PELI2: variants seen among roughly 807,000 people sequenced by gnomAD.
PELI2 encodes E3 ubiquitin-protein ligase pellino homolog 2.
In PELI2, 23 loss-of-function variants were observed where a neutral mutation model predicts 42.3. That is an observed-to-expected ratio of 0.54 (90% CI 0.39 to 0.77). The LOEUF is 0.77. PELI2 is among the 30% of genes least tolerant of loss of function. The pLI is 0.00. For synonymous variants in PELI2, 245 were observed against 212.2 expected, an observed-to-expected ratio of 1.15 and a Z score of -1.34; for missense variants, 463 against 553.2, an observed-to-expected ratio of 0.84 and a Z score of 1.64.
intron 1 of PELI2, among the ~76,000 whole-genome samples, chr14:56,129,756 T>C (rs1181869156): frequency 6.6e-6 from 1 of 152,234 alleles, no homozygotes; most frequent in Non-Finnish European, 1.5e-5. Flanking sequence ...TGGCTGTCTC[T>C]TGCTGAGCTA....
At chr14:56,230,920 T>G (rs936692644) in intron 2 of PELI2, among the ~76,000 whole-genome samples, 4 of 151,722 alleles carry the variant, frequency 2.6e-5, no homozygotes, top group Non-Finnish European at 5.9e-5. Flanking sequence ...ACCAAGCAAA[T>G]AGAAAACAAA....
intron 1 of PELI2, among the ~76,000 whole-genome samples, chr14:56,156,276 G>GA (rs1884562343): frequency 6.6e-6 from 1 of 152,024 alleles, no homozygotes; most frequent in South Asian, 2.1e-4. Flanking sequence ...TGTGTCCCTA[G>GA]AAAAAATGCT....
At chr14:56,222,030 A>G (rs1887150298) in intron 2 of PELI2, among the ~76,000 whole-genome samples, 1 of 151,242 alleles carries the variant, frequency 6.6e-6, no homozygotes, top group African/African-American at 2.4e-5. Flanking sequence ...GATTTCCTCT[A>G]TGCACAATGG....
In PELI2 at chr14:56,299,970, T is replaced by C. The variant is rs1424216865; in HGVS notation, c.*2804T>C. 6.6e-6 allele frequency: 1 copy of C among 152,632 alleles called. No homozygotes were observed. The highest frequency in any genetic ancestry group is 6.5e-5 in the Admixed American group (1 of 15,276). 9.5% of individuals were successfully genotyped at this position (152,632 alleles called of 1,614,324 possible). ...TTTCTAGTCCGGAATTTTTTATTAA[T>C]AATCGGTGCTGCCGGGTCATGCATG... is the stretch of plus-strand genomic sequence containing the variant. On this transcript the variant is annotated 3_prime_UTR_variant, in exon 6 of 6. Transcript: ENST00000267460.
chr14:56,162,744 C>T (rs909486206), intron 1 of PELI2, among the ~76,000 whole-genome samples: 26 of 152,128 alleles, frequency 1.7e-4, no homozygotes, highest in Non-Finnish European at 4.4e-5. Flanking sequence ...ACAAGGGTTC[C>T]CTTTTCTCCA....
At chr14:56,258,318 T>C (rs1306414131) in intron 2 of PELI2, among the ~76,000 whole-genome samples, 2 of 149,406 alleles carry the variant, frequency 1.3e-5, no homozygotes, top group East Asian at 3.9e-4. Flanking sequence ...AAAAAATTAA[T>C]GGCCAGCATC....
intron 2 of PELI2, among the ~76,000 whole-genome samples, chr14:56,233,724 G>T (rs1410471028): frequency 6.6e-6 from 1 of 152,146 alleles, no homozygotes; most frequent in Non-Finnish European, 1.5e-5. Flanking sequence ...AATACCGAAA[G>T]CAATGGCAAC....
At chr14:56,178,611 C>T in intron 2 of PELI2, 147 bp downstream of exon 2, 2 of 908,078 alleles carry the variant, frequency 2.2e-6, no homozygotes, top group Admixed American at 4.9e-5. Context: ...TTGTGAGGGG[C>T]TGTGCTGTGC....
intron 1 of PELI2, among the ~76,000 whole-genome samples, chr14:56,154,736 T>G (rs1161224292): frequency 6.7e-6 from 1 of 149,100 alleles, no homozygotes; most frequent in Non-Finnish European, 1.5e-5. Flanking sequence ...AAAACTTGAC[T>G]TACATTTCAA....
chr14:56,256,472 C>G (rs2139825547), intron 2 of PELI2, among the ~76,000 whole-genome samples: 1 of 151,892 alleles, frequency 6.6e-6, no homozygotes, highest in South Asian at 2.1e-4. Flanking sequence ...AAAAAAATAC[C>G]ATTAACTTCA....
chr14:56,138,134 C>T (rs1296297723), intron 1 of PELI2, among the ~76,000 whole-genome samples: 1 of 152,224 alleles, frequency 6.6e-6, no homozygotes, highest in Non-Finnish European at 1.5e-5. Flanking sequence ...CTGATGCCTG[C>T]GTCTGTTAGG....
chr14:56,252,890 C>A (rs528011863), intron 2 of PELI2, among the ~76,000 whole-genome samples: 1 of 152,164 alleles, frequency 6.6e-6, no homozygotes, highest in Non-Finnish European at 1.5e-5. Context: ...CAAAACCTGG[C>A]AGAGACACAA....
chr14:56,188,896 A>G (rs1308375946), intron 2 of PELI2, among the ~76,000 whole-genome samples: 3 of 152,138 alleles, frequency 2.0e-5, no homozygotes, highest in Non-Finnish European at 4.4e-5. Flanking sequence ...GCAGTGGCTC[A>G]TGTCTGTAAT....
intron 3 of PELI2, among the ~76,000 whole-genome samples, chr14:56,286,412 C>T (rs1889646796): frequency 6.6e-6 from 1 of 152,184 alleles, no homozygotes; most frequent in Admixed American, 6.5e-5. Flanking sequence ...TTGATACCAT[C>T]TTACCTGTCC....
intron 2 of PELI2, among the ~76,000 whole-genome samples, chr14:56,223,533 C>G (rs1887226531): frequency 6.6e-6 from 1 of 152,114 alleles, no homozygotes; most frequent in African/African-American, 2.4e-5. Flanking sequence ...AAAAAGGCCA[C>G]AATTGTGGAT....
intron 1 of PELI2, among the ~76,000 whole-genome samples, chr14:56,120,601 A>G (rs1022364450): frequency 2.6e-5 from 4 of 152,162 alleles, no homozygotes; most frequent in African/African-American, 7.2e-5. Flanking sequence ...GAGACACTCA[A>G]CCGTCGTTTG....
intron 2 of PELI2, among the ~76,000 whole-genome samples, chr14:56,190,981 T>C (rs555892457): frequency 9.2e-5 from 14 of 152,244 alleles, no homozygotes; most frequent in Non-Finnish European, 1.6e-4. Flanking sequence ...TTTTACAGAA[T>C]TGAATATTTG....
intron 1 of PELI2, among the ~76,000 whole-genome samples, chr14:56,135,948 A>G (rs974929359): frequency 6.6e-6 from 1 of 152,170 alleles, no homozygotes; most frequent in Non-Finnish European, 1.5e-5. Context: ...AACACATCAT[A>G]TGGAGTCTGC....
At chr14:56,125,200 C>G (rs1249905743) in intron 1 of PELI2, among the ~76,000 whole-genome samples, 3 of 152,152 alleles carry the variant, frequency 2.0e-5, no homozygotes, top group Non-Finnish European at 4.4e-5. Flanking sequence ...ATTGACCATT[C>G]ATTCAGTGAC....
Sources: allele counts gnomAD v4.1 joint callset (sites outside exome capture counted in the v4.1 genomes callset), GRCh38; gene constraint gnomAD v4.1.1; transcripts MANE v1.5; gene names NCBI Gene and HGNC (gene_info 2026-07-23, HGNC 2026-07-21).